The following DDX60 variants were observed in gnomAD, a reference collection of about 807,000 sequenced individuals.
The protein encoded by DDX60 is probable ATP-dependent RNA helicase DDX60.
A neutral mutation model predicts 212.8 loss-of-function variants in DDX60; 165 were observed. That is an observed-to-expected ratio of 0.78 (90% CI 0.68 to 0.88). The LOEUF is 0.88. DDX60 is among the 40% of genes least tolerant of loss of function. The pLI is 0.00. For missense variants in DDX60, 1,905 were observed against 2,003.9 expected (o/e 0.95, Z 0.94); for synonymous variants, 703 against 685.3 (o/e 1.03, Z -0.40).
intron 14 of DDX60, among the ~76,000 whole-genome samples, chr4:168,279,597 TA>T (rs1207829092): frequency 2.0e-5 from 3 of 152,198 alleles, no homozygotes; most frequent in African/African-American, 7.2e-5. Flanking sequence ...ATTTATGGAG[TA>T]AAGTCCTGAG....
chr4:168,324,749 T>G, the DDX60 span, among the ~76,000 whole-genome samples: 3 of 152,214 alleles, frequency 2.0e-5, no homozygotes, highest in South Asian at 6.2e-4. Context: ...GTCCATCGCC[T>G]TTTTAAAGCT....
At position 168,285,510 on chromosome 4, in the gene DDX60, CA is replaced by C. The variant is rs376447950; in HGVS notation, c.1340-13del. On this transcript the variant is annotated splice_polypyrimidine_tract_variant and intron_variant, in intron 10 of 37. Coordinates refer to ENST00000393743, the MANE Select transcript of DDX60 (RefSeq NM_017631.6). ...TTCATTGGAGCTGTCTGTAAACAAA[CA>C]AAAAAAAATTGAGACAAGGTCAAAT... is the stretch of plus-strand genomic sequence containing the variant. The C allele has an allele frequency of 7.3e-4, 1,117 of 1,529,482 alleles. 3 individuals are homozygous for C. The highest frequency in any genetic ancestry group is 5.2e-3 in the East Asian group (227 of 43,334). The allele number at this position is 1,529,482 out of a possible 1,614,324, so 94.7% of individuals were successfully genotyped here. A position where few individuals can be genotyped will look rare whatever the true frequency, so the allele number is the denominator to read the frequency against.
intron 33 of DDX60, among the ~76,000 whole-genome samples, chr4:168,231,516 A>G (rs1205151605): frequency 6.6e-6 from 1 of 152,142 alleles, no homozygotes; most frequent in Admixed American, 6.6e-5. Context: ...ATAATCTACC[A>G]TGATCAAGTG....
Position 168,287,090 on chromosome 4 carries a change from T to A in DDX60, c.1297A>T (p.Thr433Ser), listed in dbSNP as rs776513772. Residue 433 changes from threonine to serine, a missense_variant, in exon 10 of 38, where the codon ACA (threonine) becomes TCA (serine). Thr to Ser is a moderately conservative substitution (Grantham distance 58). Coordinates refer to ENST00000393743, the MANE Select transcript of DDX60 (RefSeq NM_017631.6). ...TTCTTTTCAAGAAAACAAACTTTTG[T>A]TGTTCTCAGAGGAAATGGCTGTCCA... ...EVGQPFPLRT[T>S]KVCFLEKKPS... The A allele has an allele frequency of 6.2e-7, 1 of 1,610,116 alleles. No homozygotes were observed. The highest frequency in any genetic ancestry group is 1.3e-5 in the African/African-American group (1 of 74,778).
At chr4:168,235,911 G>C (rs990859305) in intron 33 of DDX60, 5 of 207,394 alleles carry the variant, frequency 2.4e-5, no homozygotes, top group Non-Finnish European at 4.8e-5. Context: ...GATCCTAAAA[G>C]AACAGTATAT....
intron 6 of DDX60, among the ~76,000 whole-genome samples, chr4:168,297,382 G>GAGAGAGAGAAAGAA (rs1560870698): frequency 1.5e-4 from 6 of 39,916 alleles, no homozygotes; most frequent in Non-Finnish European, 2.6e-4. Context: ...AAGAAAGAAA[G>GAGAGAGAGAAAGAA]AGAAAGAAAG....
At chr4:168,245,913 G>GA (rs1013569855) in intron 30 of DDX60, among the ~76,000 whole-genome samples, 43 of 148,596 alleles carry the variant, frequency 2.9e-4, no homozygotes, top group East Asian at 5.9e-4. Context: ...AAAACTGGCT[G>GA]AAAAAAAAAA....
intron 33 of DDX60, among the ~76,000 whole-genome samples, chr4:168,232,137 A>G (rs2149493977): frequency 6.6e-6 from 1 of 152,170 alleles, no homozygotes; most frequent in South Asian, 2.1e-4. Flanking sequence ...GTAAAATAAA[A>G]TACTTAGAAA....
upstream of DDX60, among the ~76,000 whole-genome samples, chr4:168,323,356 G>A (rs541305934): frequency 6.6e-5 from 10 of 152,294 alleles, no homozygotes; most frequent in South Asian, 2.1e-4. Flanking sequence ...TAGGGAGTGC[G>A]AGTCCCCAGC....
chr4:168,217,078 A>G (rs80220511), intron 37 of DDX60, 46 bp from the exon 38 acceptor site: 9 of 1,269,838 alleles, frequency 7.1e-6, no homozygotes, highest in South Asian at 1.4e-5. Flanking sequence ...GTGAGATTGA[A>G]TATTATAAGA....
intron 19 of DDX60, among the ~76,000 whole-genome samples, chr4:168,270,064 T>C (rs1326234967): frequency 1.3e-5 from 2 of 152,214 alleles, no homozygotes; most frequent in Non-Finnish European, 2.9e-5. Flanking sequence ...AGCTCACTTG[T>C]TTATTTCCTC....
At chr4:168,278,959 A>G (rs1735469355) in intron 14 of DDX60, among the ~76,000 whole-genome samples, 2 of 152,220 alleles carry the variant, frequency 1.3e-5, no homozygotes, top group Middle Eastern at 3.2e-3. Context: ...CAAGGTTTTA[A>G]TTGTGATGAA....
chr4:168,255,850 C>A lies in DDX60; in HGVS notation c.3418G>T (p.Glu1140Ter). The change falls in exon 26 of 38, where the codon GAA becomes TAA. Residue 1140 changes from glutamate to a stop codon, truncating the protein, a stop_gained. Coordinates refer to ENST00000393743, the MANE Select transcript of DDX60 (RefSeq NM_017631.6). LOFTEE classifies it high-confidence loss of function. ...LFFLFKLGAV[E>*]NAAESVSTFL... ...GTGCTCACACTTTCAGCTGCGTTTT[C>A]TACAGCTCCTAACTTGAATCTGGAA... The A allele has an allele frequency of 6.3e-7, 1 of 1,582,876 alleles. No homozygotes were observed. Among genetic ancestry groups the A allele is most frequent in the Non-Finnish European group, 8.5e-7 (1 of 1,171,268 alleles).
chr4:168,296,609 T>C (rs1024792058), intron 6 of DDX60, among the ~76,000 whole-genome samples: 6 of 152,032 alleles, frequency 3.9e-5, no homozygotes, highest in Non-Finnish European at 8.8e-5. Context: ...TAAATTAAAT[T>C]ATATTAAATT....
intron 6 of DDX60, among the ~76,000 whole-genome samples, chr4:168,298,852 A>C (rs190945714): frequency 6.6e-6 from 1 of 152,120 alleles, no homozygotes; most frequent in Admixed American, 6.6e-5. Flanking sequence ...TAGTGGAAAA[A>C]AAAAAGAAAT....
chr4:168,261,024 G>T, intron 24 of DDX60, 35 bp from the exon 25 acceptor site: 4 of 1,569,616 alleles, frequency 2.5e-6, no homozygotes, highest in South Asian at 1.2e-5. Context: ...TTTAAGTTCT[G>T]CATGAGAAAG....
intron 10 of DDX60, among the ~76,000 whole-genome samples, chr4:168,285,749 C>T (rs897520350): frequency 8.9e-5 from 13 of 146,306 alleles, no homozygotes; most frequent in African/African-American, 2.8e-4. Context: ...GGTGGATATG[C>T]ATGGGGGATG....
rs1279237832 is a variant in DDX60, at chr4:168,243,664, A to T, written c.4164+2754T>A. Among the ~76,000 whole-genome samples, 6 of 152,238 alleles carry T rather than the reference A, an allele frequency of 3.9e-5. No homozygotes were observed. In the East Asian group the frequency reaches 1.2e-3, roughly 29 times the overall value. On this transcript the variant is annotated intron_variant, in intron 30 of 37. Coordinates refer to ENST00000393743, the MANE Select transcript of DDX60 (RefSeq NM_017631.6). ...TTTTACACTGTTGCTGGGAGTGTAA[A>T]TCAGTCCAACCGCATTGTGGAAGAG...
chr4:168,224,238 C>T lies in DDX60; in HGVS notation c.4824+5G>A, dbSNP rs1560809649. ...TTTTATTAATAAACCCCACTCTTCACTTACATGGTTTGGAGTTTCTAGTCG... is the reference window on the plus strand; with the variant it reads ...TTTTATTAATAAACCCCACTCTTCATTTACATGGTTTGGAGTTTCTAGTCG... On this transcript the variant is annotated splice_donor_5th_base_variant and intron_variant, in intron 35 of 37. Coordinates refer to ENST00000393743, the MANE Select transcript of DDX60 (RefSeq NM_017631.6). The T allele has an allele frequency of 1.2e-6, 2 of 1,611,956 alleles. No individual in the cohort carries two copies. The highest frequency in any genetic ancestry group is 4.5e-5 in the East Asian group (2 of 44,754).
Sources: gnomAD v4.1 joint callset for allele counts (sites outside exome capture counted in the v4.1 genomes callset) on GRCh38, gnomAD v4.1.1 for gene constraint, MANE v1.5 for transcripts, NCBI Gene and HGNC (gene_info 2026-07-23, HGNC 2026-07-21) for gene names.